Variants in NCLN observed in about 807,000 individuals in gnomAD.
NCLN encodes nicalin.
A neutral mutation model predicts 69.5 loss-of-function variants in NCLN; 34 were observed. The ratio of observed to expected loss-of-function variants is 0.49; its 90% CI spans 0.37 to 0.65. The LOEUF (loss-of-function observed/expected upper bound fraction) is 0.65, where lower values mean the gene tolerates loss of function less well. Among genes scored for constraint, NCLN ranks in the 30% least tolerant of loss-of-function variants. The probability of loss-of-function intolerance (pLI) is 0.00; values close to 1 mark genes in which losing one functional copy is unlikely to be tolerated. For synonymous variants in NCLN, 393 were observed against 358.3 expected (o/e 1.10, Z -1.09); for missense variants, 710 against 804.8 (o/e 0.88, Z 1.42).
intron 5 of NCLN, among the ~76,000 whole-genome samples, chr19:3,200,641 A>G (rs1916102065): frequency 6.6e-6 from 1 of 152,036 alleles, no homozygotes; most frequent in Non-Finnish European, 1.5e-5. Context: ...GATAGAACAT[A>G]AAGTTCACCA....
intron 1 of NCLN, among the ~76,000 whole-genome samples, chr19:3,188,249 G>A (rs942052367): frequency 9.2e-5 from 14 of 151,674 alleles, no homozygotes; most frequent in Non-Finnish European, 1.3e-4. Context: ...GCAGGTGTGG[G>A]CCCCCTTTCT....
chr19:3,200,600 G>A (rs1295355440), intron 5 of NCLN, among the ~76,000 whole-genome samples: 3 of 152,018 alleles, frequency 2.0e-5, no homozygotes, highest in Non-Finnish European at 2.9e-5. Flanking sequence ...GTGAGCCACC[G>A]AGCCCAGGCA....
chr19:3,186,914 T>C (rs1316983332), intron 1 of NCLN, among the ~76,000 whole-genome samples: 1 of 152,088 alleles, frequency 6.6e-6, no homozygotes, highest in African/African-American at 2.4e-5. Context: ...AAGGGCACAT[T>C]TGTCCCCAGA....
intron 4 of NCLN, among the ~76,000 whole-genome samples, chr19:3,197,661 C>T (rs1434108106): frequency 6.8e-6 from 1 of 146,880 alleles, no homozygotes; most frequent in African/African-American, 2.5e-5. Flanking sequence ...GCTCCTGTTG[C>T]CTAGGCTGGA....
intron 1 of NCLN, among the ~76,000 whole-genome samples, chr19:3,186,989 G>C (rs947067285): frequency 2.6e-5 from 4 of 152,016 alleles, no homozygotes; most frequent in Non-Finnish European, 5.9e-5. Flanking sequence ...CAGCTTCCCT[G>C]GTCTCCTCCC....
chr19:3,196,125 G>A (rs944339869), intron 3 of NCLN, 58 bp from the exon 4 acceptor site: 5 of 1,321,192 alleles, frequency 3.8e-6, no homozygotes, highest in Middle Eastern at 1.9e-4. Context: ...TGCTGGGGAT[G>A]CCCCCTGGCT....
In NCLN at chr19:3,206,250, C is replaced by G; in HGVS notation, c.1336-12C>G. The G allele has an allele frequency of 3.2e-6, 5 of 1,541,972 alleles. No homozygotes were observed. Among genetic ancestry groups the G allele is most frequent in the Middle Eastern group, 2.3e-4 (1 of 4,336 alleles). On this transcript the variant is annotated splice_polypyrimidine_tract_variant and intron_variant, in intron 11 of 14. Transcript: ENST00000246117. ...CGGGGCCAGGCCATGACTACCACCA[C>G]CGTCCCTACAGCAGATCCAGCAGGA... is the stretch of plus-strand genomic sequence containing the variant.
chr19:3,197,013 G>A (rs763944273), intron 4 of NCLN, among the ~76,000 whole-genome samples: 3 of 152,250 alleles, frequency 2.0e-5, no homozygotes, highest in Non-Finnish European at 4.4e-5. Context: ...GGCTTAGGCC[G>A]GGGTGGGGAA....
chr19:3,190,153 C>T (rs994216108), intron 1 of NCLN, among the ~76,000 whole-genome samples: 2 of 152,180 alleles, frequency 1.3e-5, no homozygotes, highest in Admixed American at 6.5e-5. Context: ...GGGAGGGGTG[C>T]TCCCAGCACT....
intron 3 of NCLN, among the ~76,000 whole-genome samples, chr19:3,194,181 A>C (rs781300752): frequency 6.6e-6 from 1 of 152,170 alleles, no homozygotes; most frequent in Non-Finnish European, 1.5e-5. Flanking sequence ...GGAGTTCGAG[A>C]CCAGCCTGGC....
chr19:3,198,796 T>A (rs1360985031), intron 4 of NCLN, 21 bp from the exon 5 acceptor site: 1 of 1,567,790 alleles, frequency 6.4e-7, no homozygotes, highest in East Asian at 2.4e-5. Context: ...GCCAGGCCAT[T>A]CCCCTGCTCT....
At chr19:3,188,159 C>T (rs1044166769) in intron 1 of NCLN, among the ~76,000 whole-genome samples, 1 of 152,158 alleles carries the variant, frequency 6.6e-6, no homozygotes, top group Admixed American at 6.5e-5. Context: ...TTGGCATCTC[C>T]TGCCTGGTCC....
intron 3 of NCLN, among the ~76,000 whole-genome samples, chr19:3,195,922 G>GC (rs1915943697): frequency 6.6e-6 from 1 of 152,240 alleles, no homozygotes; most frequent in Non-Finnish European, 1.5e-5. Context: ...GTTATTGAGG[G>GC]CCCGGGAGGA....
rs1676381478 is a variant in NCLN, at chr19:3,201,597, G to T, written c.771G>T (p.Arg257=). The T allele has an allele frequency of 1.3e-6, 2 of 1,561,452 alleles. No homozygotes were observed. Residue 257 remains arginine, a synonymous_variant, in exon 6 of 15, where the codon CGG becomes CGT. Coordinates refer to ENST00000246117, the MANE Select transcript of NCLN (RefSeq NM_020170.4). ...TGGAGCTGGCACGCCTCTTCTCCCG[G>T]CTCTACACCTACAAGCGCACGCACG... ...VLLELARLFS[R]LYTYKRTHAA...
In NCLN at chr19:3,205,484, C is replaced by T. The variant is rs377402121; in HGVS notation, c.1209-455C>T. Among the ~76,000 whole-genome samples, 18 of 152,292 alleles carry T rather than the reference C, an allele frequency of 1.2e-4. No individual in the cohort carries two copies. The highest frequency in any genetic ancestry group is 4.1e-4 in the African/African-American group (17 of 41,566). ...GCAGTCCTGGAAAGGATGGAGGTGG[C>T]GGTCGCCCACCAGCCAGGAAAGATT... On this transcript the variant is annotated intron_variant, in intron 9 of 14. Transcript: ENST00000246117. The surrounding 1 kb of genome is among the most constrained non-coding windows in gnomAD (Gnocchi z 4.6).
intron 5 of NCLN, among the ~76,000 whole-genome samples, chr19:3,200,910 T>A (rs1916109720): frequency 6.6e-6 from 1 of 152,150 alleles, no homozygotes; most frequent in Non-Finnish European, 1.5e-5. Flanking sequence ...GGAGGGTGTT[T>A]ATTGTCCCCC....
At position 3,198,874 on chromosome 19, in the gene NCLN, T is replaced by C; in HGVS notation, c.673T>C (p.Tyr225His). Residue 225 changes from tyrosine to histidine, a missense_variant, in exon 5 of 15, where the codon TAC becomes CAC. Physicochemically the swap from Tyr to His is moderately conservative, Grantham distance 83 (BLOSUM62 2). Coordinates refer to ENST00000246117, the MANE Select transcript of NCLN (RefSeq NM_020170.4). ...DLPTIVIVAH[Y>H]DAFGVAPWLS... ...TCCCACCATCGTCATCGTGGCCCACTACGACGCCTTTGGAGTGGCCCCCGT... is the reference window on the plus strand; with the variant it reads ...TCCCACCATCGTCATCGTGGCCCACCACGACGCCTTTGGAGTGGCCCCCGT... The C allele has an allele frequency of 6.4e-7, 1 of 1,553,988 alleles. No individual in the cohort carries two copies.
rs532259653 is a variant in NCLN, at chr19:3,206,558, C to T, written c.1499+133C>T. On this transcript the variant is annotated intron_variant, in intron 12 of 14. Transcript: ENST00000246117. ...TACAAAGAGAGGGTGGGATGAGGGC[C>T]GGACACGGCGGCTGTGCCTGCAATC... is the stretch of plus-strand genomic sequence containing the variant. The T allele has an allele frequency of 2.2e-4, 264 of 1,196,352 alleles. 3 individuals carry two copies. In the South Asian group the frequency reaches 3.2e-3, roughly 15 times the overall value. The allele number at this position is 1,196,352 out of a possible 1,614,324, so 74.1% of individuals were successfully genotyped here. A position where few individuals can be genotyped will look rare whatever the true frequency, so the allele number is the denominator to read the frequency against.
At chr19:3,194,383 C>CA (rs919643401) in intron 3 of NCLN, among the ~76,000 whole-genome samples, 17 of 145,622 alleles carry the variant, frequency 1.2e-4, no homozygotes, top group East Asian at 2.0e-4. Flanking sequence ...ATGTCCATCT[C>CA]AAAAAAAAAA....
Sources: gnomAD v4.1 joint callset for allele counts (sites outside exome capture counted in the v4.1 genomes callset) on GRCh38, gnomAD v4.1.1 for gene constraint, Gnocchi (gnomAD v3.1) non-coding constraint, MANE v1.5 for transcripts, NCBI Gene and HGNC (gene_info 2026-07-23, HGNC 2026-07-21) for gene names.